ARMCX4: variants seen among roughly 807,000 people sequenced by gnomAD.
ARMCX4 encodes the protein armadillo repeat-containing X-linked protein 4.
ARMCX4 carries 3 observed loss-of-function variants against 34.7 expected under a neutral mutation model. The observed-to-expected ratio is 0.09, with a 90% CI of 0.04 to 0.22. The LOEUF is 0.22. ARMCX4 is among the 10% of genes least tolerant of loss of function. The pLI is 1.00. For synonymous variants in ARMCX4, 513 were observed against 632.8 expected, an observed-to-expected ratio of 0.81 and a Z score of 2.84; for missense variants, 1,448 against 1,720.8, an observed-to-expected ratio of 0.84 and a Z score of 2.81.
chrX:101,432,908 A>T, intron 2 of ARMCX4, among the ~76,000 whole-genome samples: 1 of 80,786 alleles, frequency 1.2e-5, no homozygotes, highest in Non-Finnish European at 2.5e-5. Context: ...GTGTATATAC[A>T]CACACGTATA....
chrX:101,503,298 C>T lies in ARMCX4; in HGVS notation c.*1178-1639C>T, dbSNP rs1340604609. On this transcript the variant is annotated intron_variant and NMD_transcript_variant, in intron 7 of 12. Coordinates refer to the ARMCX4 transcript ENST00000354842. ...TGATTTATAATCCTTTGGGTATATACGCAGTAATGGGATTGCTGGGTCAAA... is the reference window on the plus strand; with the variant it reads ...TGATTTATAATCCTTTGGGTATATATGCAGTAATGGGATTGCTGGGTCAAA... 8.1e-5 allele frequency among the ~76,000 whole-genome samples: 9 copies of T among 111,044 alleles called. No individual in the cohort carries two copies. In the South Asian group the frequency reaches 1.5e-3, roughly 19 times the overall value.
At chrX:101,484,117 C>T (rs1263953476), upstream of ARMCX4, among the ~76,000 whole-genome samples, 1 of 111,527 alleles carries the variant, frequency 9.0e-6, no homozygotes, top group Middle Eastern at 4.2e-3. Flanking sequence ...TGCTTGGGAT[C>T]CTGTACATTG....
chrX:101,460,898 G>T lies in ARMCX4; in HGVS notation c.-473+14854G>T, dbSNP rs1378793852. ...GCACTTGCATAATCCCTATCCTTGA[G>T]TGTGGGCTGGTAGTTAGGAGAGGCT... On this transcript the variant is annotated intron_variant and NMD_transcript_variant, in intron 4 of 15. Coordinates refer to the ARMCX4 transcript ENST00000433011. 2.7e-5 allele frequency among the ~76,000 whole-genome samples: 3 copies of T among 111,278 alleles called. No individual in the cohort carries two copies. The East Asian group carries it at 8.5e-4, about 31-fold the overall frequency.
chrX:101,486,639 T>G (rs1933730832), intron 2 of ARMCX4, among the ~76,000 whole-genome samples: 1 of 111,472 alleles, frequency 9.0e-6, no homozygotes. Flanking sequence ...TTTAAAATAA[T>G]TTGCCTTGTT....
intron 11 of ARMCX4, among the ~76,000 whole-genome samples, chrX:101,515,898 C>T (rs1290172729): frequency 9.0e-6 from 1 of 110,773 alleles, no homozygotes; most frequent in Non-Finnish European, 1.9e-5. Context: ...GTTCTCTTTA[C>T]CACTGGAAAC....
rs1556010161 is a variant in ARMCX4, at chrX:101,493,042, G to A, written c.4453G>A (p.Asp1485Asn). 2 of 1,155,729 alleles carry A rather than the reference G, an allele frequency of 1.7e-6. No individual in the cohort carries two copies. Among genetic ancestry groups the A allele is most frequent in the Admixed American group, 2.6e-5 (1 of 38,798 alleles). Residue 1485 changes from aspartate (D) to asparagine (N), a missense_variant, in exon 6 of 6, where the codon GAT becomes AAT. By Grantham distance (23) the Asp-to-Asn change is conservative. Coordinates refer to ENST00000423738, the MANE Select transcript of ARMCX4 (RefSeq NM_001256155.3). ...WADAREQVVGDSRLGLRDQSS... is the reference protein window; with the variant it reads ...WADAREQVVGNSRLGLRDQSS... Reference sequence around the variant, plus strand: ...TGATGCCAGGGAGCAGGTTGTTGGAGATTCTAGGCTGGGGCTTAGGGACCA... The same window carrying A: ...TGATGCCAGGGAGCAGGTTGTTGGAAATTCTAGGCTGGGGCTTAGGGACCA...
intron 4 of ARMCX4, among the ~76,000 whole-genome samples, chrX:101,471,507 A>G (rs1229481855): frequency 1.8e-5 from 2 of 112,148 alleles, no homozygotes; most frequent in African/African-American, 6.5e-5. Flanking sequence ...GGTTTTATGG[A>G]ACAGGCTATC....
In ARMCX4 at chrX:101,428,872, CTT is replaced by C. The variant is rs57998955; in HGVS notation, n.164+9892_164+9893del. On this transcript the variant is annotated intron_variant and non_coding_transcript_variant, in intron 2 of 3. Coordinates refer to the ARMCX4 transcript ENST00000430461. ...CACTTCTGTTTTGGTATTTCTTTTC[CTT>C]TTTTTTTTTTTTTTTTTTTGAGACA... Among the ~76,000 whole-genome samples the C allele has an allele frequency of 1.6e-3, 108 of 66,244 alleles. No individual in the cohort carries two copies. In the South Asian group the frequency reaches 0.025, roughly 15 times the overall value. The allele number at this position is 66,244 out of a possible 115,157, so 57.5% of individuals were successfully genotyped here. A position where few individuals can be genotyped will look rare whatever the true frequency, so the allele number is the denominator to read the frequency against.
chrX:101,531,532 C>G, intron 11 of ARMCX4: 1 of 112,128 alleles, frequency 8.9e-6, no homozygotes, highest in Non-Finnish European at 1.9e-5. Context: ...TAACTTAGAA[C>G]TATAGATGTA....
intron 7 of ARMCX4, among the ~76,000 whole-genome samples, chrX:101,501,733 T>C (rs1934304153): frequency 8.9e-6 from 1 of 112,515 alleles, no homozygotes. Flanking sequence ...AACTTCTAGG[T>C]CATTGCCATG....
At chrX:101,484,566 GA>G (rs1556006053), upstream of ARMCX4, among the ~76,000 whole-genome samples, 1 of 112,051 alleles carries the variant, frequency 8.9e-6, no homozygotes, top group Non-Finnish European at 1.9e-5. Flanking sequence ...TTAGACACCT[GA>G]AAAAAGATGC....
In ARMCX4 at chrX:101,467,676, G is replaced by A. The variant is rs185725320; in HGVS notation, c.-472-18347G>A. ...ATCAATTATTTCATGGTGGGGGGGGGACGGTGTCATAAAATAATCTTTGAA... is the reference window on the plus strand; with the variant it reads ...ATCAATTATTTCATGGTGGGGGGGGAACGGTGTCATAAAATAATCTTTGAA... On this transcript the variant is annotated intron_variant and NMD_transcript_variant, in intron 4 of 15. Transcript: ENST00000433011. Among the ~76,000 whole-genome samples, 6 of 111,633 alleles carry A rather than the reference G, an allele frequency of 5.4e-5. No individual in the cohort carries two copies. The East Asian group carries it at 1.7e-3, about 31-fold the overall frequency.
intron 7 of ARMCX4, among the ~76,000 whole-genome samples, chrX:101,501,672 T>A (rs781906377): frequency 2.7e-5 from 3 of 112,491 alleles, no homozygotes; most frequent in Non-Finnish European, 5.6e-5. Context: ...AGGAATGGGT[T>A]TTTGGAATTT....
intron 3 of ARMCX4, 45 bp downstream of exon 3, chrX:101,487,317 T>A: frequency 7.0e-6 from 1 of 142,703 alleles, no homozygotes; most frequent in East Asian, 2.0e-4. Context: ...CAAGAGAGGG[T>A]GGGCATAGGA....
intron 2 of ARMCX4, among the ~76,000 whole-genome samples, chrX:101,435,677 G>A (rs1930693747): frequency 9.3e-6 from 1 of 108,055 alleles, no homozygotes; most frequent in Admixed American, 1.0e-4. Flanking sequence ...TTTGGCTTTT[G>A]TTGCCATTGC....
In ARMCX4 at chrX:101,492,021, T is replaced by A; in HGVS notation, c.3432T>A (p.Ala1144=). The A allele has an allele frequency of 8.7e-6, 10 of 1,155,041 alleles. No homozygotes were observed. The highest frequency in any genetic ancestry group is 1.1e-5 in the Non-Finnish European group (10 of 872,158). ...NEASIGSWSG[A]SDKAGIIRSW... is the part of the protein sequence containing the mutation. ...CCAGTATTGGGTCCTGGAGTGGGGC[T>A]AGTGATAAGGCTGGGATTATTCGGT... is the stretch of plus-strand genomic sequence containing the variant. Residue 1144 remains alanine (A), a synonymous_variant, in exon 6 of 6, where the codon GCT becomes GCA. Coordinates refer to ENST00000423738, the MANE Select transcript of ARMCX4 (RefSeq NM_001256155.3).
At chrX:101,457,473 T>C (rs926813384) in intron 4 of ARMCX4, among the ~76,000 whole-genome samples, 19 of 111,463 alleles carry the variant, frequency 1.7e-4, no homozygotes, top group African/African-American at 6.2e-4. Flanking sequence ...CTCACGCCTG[T>C]ATCCCCAACA....
intron 2 of ARMCX4, among the ~76,000 whole-genome samples, chrX:101,427,885 G>A (rs183506641): frequency 1.6e-4 from 18 of 111,812 alleles, no homozygotes; most frequent in Non-Finnish European, 3.4e-4. Flanking sequence ...CAATCATGAG[G>A]TATCTGCTCT....
intron 4 of ARMCX4, among the ~76,000 whole-genome samples, chrX:101,464,216 T>C (rs782721377): frequency 1.9e-5 from 2 of 108,058 alleles, no homozygotes; most frequent in South Asian, 4.1e-4. Flanking sequence ...CGATGAAAAA[T>C]ACAAAAAAAA....
Sources: allele counts gnomAD v4.1 joint callset (sites outside exome capture counted in the v4.1 genomes callset), GRCh38; gene constraint gnomAD v4.1.1; transcripts MANE v1.5; gene names NCBI Gene and HGNC (gene_info 2026-07-23, HGNC 2026-07-21).